SPTLC3: variants seen among roughly 807,000 people sequenced by gnomAD.
The protein encoded by SPTLC3 is serine palmitoyltransferase long chain base subunit 3.
SPTLC3 carries 36 observed loss-of-function variants against 59.3 expected under a neutral mutation model. That is an observed-to-expected ratio of 0.61 (90% CI 0.47 to 0.80). The LOEUF (loss-of-function observed/expected upper bound fraction) is 0.80. Ranked by LOEUF, SPTLC3 falls within the 30% of genes least tolerant of loss-of-function variation. SPTLC3 has a pLI of 0.00. For missense variants in SPTLC3, 625 were observed against 685.1 expected, an observed-to-expected ratio of 0.91 and a Z score of 0.98; for synonymous variants, 257 against 240.8, an observed-to-expected ratio of 1.07 and a Z score of -0.62.
At chr20:13,107,522 A>G (rs1030316349) in intron 6 of SPTLC3, among the ~76,000 whole-genome samples, 6 of 152,200 alleles carry the variant, frequency 3.9e-5, no homozygotes, top group East Asian at 1.9e-4. Context: ...AAATTTGTCA[A>G]TTAGGTAATA....
chr20:13,115,206 C>G (rs1990467916), intron 7 of SPTLC3, among the ~76,000 whole-genome samples: 1 of 152,044 alleles, frequency 6.6e-6, no homozygotes. Context: ...ACTCAATATC[C>G]CACTGTGGGA....
intron 6 of SPTLC3, among the ~76,000 whole-genome samples, chr20:13,094,353 G>A (rs1310965310): frequency 6.6e-6 from 1 of 152,050 alleles, no homozygotes; most frequent in Non-Finnish European, 1.5e-5. Flanking sequence ...TGTTATTGTC[G>A]TTGGAAAATT....
intron 2 of SPTLC3, among the ~76,000 whole-genome samples, chr20:13,059,211 T>C (rs543770061): frequency 6.6e-6 from 1 of 151,330 alleles, no homozygotes; most frequent in Admixed American, 6.6e-5. Context: ...ATGTTTTATT[T>C]CAGTGCCCTA....
intron 2 of SPTLC3, among the ~76,000 whole-genome samples, chr20:13,068,652 C>T (rs1988322012): frequency 6.6e-6 from 1 of 151,982 alleles, no homozygotes; most frequent in Admixed American, 6.6e-5. Context: ...GGTCTCCAAA[C>T]TCAATTGGCC....
chr20:13,123,129 G>A (rs886821782), intron 8 of SPTLC3, among the ~76,000 whole-genome samples: 14 of 152,076 alleles, frequency 9.2e-5, no homozygotes, highest in Non-Finnish European at 2.1e-4. Context: ...TCAGGAGTTC[G>A]AGACCAGCCT....
At chr20:13,087,274 T>C (rs1040845228) in intron 4 of SPTLC3, among the ~76,000 whole-genome samples, 7 of 152,196 alleles carry the variant, frequency 4.6e-5, no homozygotes, top group African/African-American at 1.7e-4. Flanking sequence ...GCTCCTGAGA[T>C]AGCAGGTTTT....
intron 4 of SPTLC3, 149 bp from the exon 5 acceptor site, chr20:13,090,934 C>A: frequency 1.2e-5 from 12 of 1,014,044 alleles, no homozygotes; most frequent in Non-Finnish European, 1.7e-5. Flanking sequence ...AATATTTGGG[C>A]TGTTTCTAGA....
At chr20:13,109,040 T>G (rs1052344120) in intron 6 of SPTLC3, among the ~76,000 whole-genome samples, 2 of 152,040 alleles carry the variant, frequency 1.3e-5, no homozygotes, top group African/African-American at 4.8e-5. Context: ...CCCATAAACC[T>G]CGGCCATTTT....
At chr20:13,154,901 C>G (rs2038731073) in intron 10 of SPTLC3, among the ~76,000 whole-genome samples, 1 of 152,186 alleles carries the variant, frequency 6.6e-6, no homozygotes, top group Middle Eastern at 3.2e-3. Flanking sequence ...AGTTAACTGG[C>G]AGGGCACAGT....
chr20:13,092,267 A>G, intron 5 of SPTLC3, among the ~76,000 whole-genome samples: 1 of 152,276 alleles, frequency 6.6e-6, no homozygotes, highest in East Asian at 1.9e-4. Context: ...CCAAATGGCA[A>G]TGAGCCATGT....
At position 13,046,944 on chromosome 20, in the gene SPTLC3, C is replaced by A. The variant is rs76740305; in HGVS notation, c.118-2001C>A. 7.8e-3 allele frequency among the ~76,000 whole-genome samples: 1,182 copies of A among 152,176 alleles called. 16 individuals are homozygous for A. Among genetic ancestry groups the A allele is most frequent in the African/African-American group, 0.027 (1,103 of 41,508 alleles). ...CTCTTTCATTTTCATTAGCTTATGC[C>A]ATGAAGTAGTGTTTGGGATGACACA... On this transcript the variant is annotated intron_variant, in intron 1 of 11. Transcript: ENST00000399002.
intron 8 of SPTLC3, among the ~76,000 whole-genome samples, chr20:13,125,135 A>G (rs2037958218): frequency 1.3e-5 from 2 of 152,048 alleles, no homozygotes; most frequent in Non-Finnish European, 1.5e-5. Flanking sequence ...CTGCCACCCA[A>G]CTGAGCACCT....
intron 2 of SPTLC3, among the ~76,000 whole-genome samples, chr20:13,065,120 G>T (rs1988143921): frequency 6.6e-6 from 1 of 152,000 alleles, no homozygotes; most frequent in African/African-American, 2.4e-5. Context: ...ATGAAAAATT[G>T]TACATATATT....
intron 9 of SPTLC3, among the ~76,000 whole-genome samples, chr20:13,143,157 C>G (rs1158935220): frequency 2.0e-5 from 3 of 152,102 alleles, no homozygotes; most frequent in African/African-American, 7.2e-5. Flanking sequence ...GAGGACATGT[C>G]TTGGGCACCA....
chr20:13,146,374 G>A (rs1025779482), intron 9 of SPTLC3, among the ~76,000 whole-genome samples: 2 of 151,904 alleles, frequency 1.3e-5, no homozygotes, highest in Non-Finnish European at 2.9e-5. Context: ...AAACCCCCAC[G>A]ACACGTGTTT....
At chr20:13,081,279 A>G (rs1400362780) in intron 4 of SPTLC3, among the ~76,000 whole-genome samples, 1 of 152,224 alleles carries the variant, frequency 6.6e-6, no homozygotes, top group Non-Finnish European at 1.5e-5. Context: ...TTGGCTATAC[A>G]TTGCTGAACT....
chr20:13,055,318 T>C lies in SPTLC3; in HGVS notation c.303+6188T>C, dbSNP rs568469271. Among the ~76,000 whole-genome samples, 14 of 152,092 alleles carry C rather than the reference T, an allele frequency of 9.2e-5. No individual in the cohort carries two copies. In the South Asian group the frequency reaches 2.9e-3, roughly 32 times the overall value. Reference sequence around the variant, plus strand: ...ATGCTTCCAGAGACGCAGGTTTCTCTGGTCCTAGTAGAGCTGACAATGTAA... The same window carrying C: ...ATGCTTCCAGAGACGCAGGTTTCTCCGGTCCTAGTAGAGCTGACAATGTAA... On this transcript the variant is annotated intron_variant, in intron 2 of 11. Transcript: ENST00000399002.
chr20:13,062,529 A>C (rs1988014422), intron 2 of SPTLC3, among the ~76,000 whole-genome samples: 1 of 152,228 alleles, frequency 6.6e-6, no homozygotes, highest in African/African-American at 2.4e-5. Context: ...TATGTGAATG[A>C]GCGGGTTAAG....
chr20:13,065,708 T>C (rs1988178547), intron 2 of SPTLC3, among the ~76,000 whole-genome samples: 1 of 53,520 alleles, frequency 1.9e-5, no homozygotes, highest in Admixed American at 1.8e-4. Flanking sequence ...TAAATACTTC[T>C]CCTTTTATAC....
Sources: allele counts gnomAD v4.1 joint callset (sites outside exome capture counted in the v4.1 genomes callset), GRCh38; gene constraint gnomAD v4.1.1; transcripts MANE v1.5; gene names NCBI Gene and HGNC (gene_info 2026-07-23, HGNC 2026-07-21).